DCAF5: variants seen among roughly 807,000 people sequenced by gnomAD.
DCAF5 encodes the protein DDB1 and CUL4 associated factor 5.
In DCAF5, 9 loss-of-function variants were observed where a neutral mutation model predicts 80.7. The ratio of observed to expected loss-of-function variants is 0.11; its 90% CI spans 0.07 to 0.19. The LOEUF (loss-of-function observed/expected upper bound fraction) is 0.19, where lower values mean the gene tolerates loss of function less well. Among genes scored for constraint, DCAF5 ranks in the 10% least tolerant of loss-of-function variants. The pLI is 1.00. For synonymous variants in DCAF5, 433 were observed against 461.9 expected, an observed-to-expected ratio of 0.94 and a Z score of 0.80; for missense variants, 842 against 1,205.7, an observed-to-expected ratio of 0.70 and a Z score of 4.47.
rs2037901082 is a variant in DCAF5 at position 69,054,973 on chromosome 14, C to G, written c.1713G>C (p.Glu571Asp). 2 of 1,614,152 alleles carry G rather than the reference C, an allele frequency of 1.2e-6. No individual in the cohort carries two copies. The highest frequency in any genetic ancestry group is 1.7e-6 in the Non-Finnish European group (2 of 1,180,062). Residue 571 changes from glutamate (E) to aspartate (D), a missense_variant, in exon 9 of 9, where the codon GAG becomes GAC. Around this residue, in one of 5 missense-constraint regions of DCAF5, gnomAD observed 607 missense variants for 656.6 expected, o/e 0.92. Transcript: ENST00000341516. ...SSSSSSSSEDEEELNERRAST... is the reference protein window; with the variant it reads ...SSSSSSSSEDDEELNERRAST... ...AGGCTCGGCGTTCATTCAGCTCCTC[C>G]TCATCCTCAGAGCTGCTAGAGCTGC...
chr14:69,141,981 C>T (rs891811603), intron 1 of DCAF5, among the ~76,000 whole-genome samples: 5 of 151,992 alleles, frequency 3.3e-5, no homozygotes, highest in African/African-American at 7.3e-5. Context: ...CTCTGTATCC[C>T]GAGAGGTATA....
chr14:69,136,623 G>A (rs1220465234), intron 1 of DCAF5, among the ~76,000 whole-genome samples: 2 of 151,944 alleles, frequency 1.3e-5, no homozygotes, highest in East Asian at 1.9e-4. Context: ...TTTGAGAACT[G>A]TTACTTTAGG....
chr14:69,143,553 CTTTTTTTTTT>C (rs562355110), intron 1 of DCAF5, among the ~76,000 whole-genome samples: 1 of 102,202 alleles, frequency 9.8e-6, no homozygotes, highest in Admixed American at 1.2e-4. Context: ...ATCTGTTAAA[CTTTTTTTTTT>C]TTTTTTTTTT....
At chr14:69,119,481 T>A (rs914216582) in intron 2 of DCAF5, among the ~76,000 whole-genome samples, 1 of 150,722 alleles carries the variant, frequency 6.6e-6, no homozygotes, top group Non-Finnish European at 1.5e-5. Context: ...TATTATCCAG[T>A]GGATGATGTA....
At position 69,133,000 on chromosome 14, in the gene DCAF5, T is replaced by C. The variant is rs116053741; in HGVS notation, c.215-10640A>G. ...TGTGTAAAAGACTTGGCCCAGTGCC[T>C]GATACATATTAAGAGCTAGATAAAT... On this transcript the variant is annotated intron_variant, in intron 1 of 8. Coordinates refer to ENST00000341516, the MANE Select transcript of DCAF5 (RefSeq NM_003861.3). 8.0e-3 allele frequency among the ~76,000 whole-genome samples: 1,220 copies of C among 152,342 alleles called. 12 individuals are homozygous for C. The highest frequency in any genetic ancestry group is 0.027 in the African/African-American group (1,128 of 41,578).
intron 6 of DCAF5, among the ~76,000 whole-genome samples, chr14:69,081,624 T>C (rs528247569): frequency 1.3e-5 from 2 of 152,230 alleles, no homozygotes; most frequent in East Asian, 3.9e-4. Context: ...TCTCTCTCAA[T>C]AGATTTCAGG....
chr14:69,083,581 G>C, intron 6 of DCAF5: 1 of 471,584 alleles, frequency 2.1e-6, no homozygotes. Context: ...TTCTATGAAT[G>C]TGGGCTTATC....
intron 6 of DCAF5, chr14:69,083,771 C>T: frequency 1.5e-6 from 1 of 681,170 alleles, no homozygotes; most frequent in Non-Finnish European, 2.7e-6. Flanking sequence ...AAAGCAAAAA[C>T]TGAAAACAAA....
At position 69,053,587 on chromosome 14, in the gene DCAF5, C is replaced by T. The variant is rs1171456038; in HGVS notation, c.*270G>A. 10 of 407,792 alleles carry T rather than the reference C, an allele frequency of 2.5e-5. 1 individual carries two copies. The highest frequency in any genetic ancestry group is 4.2e-5 in the African/African-American group (2 of 47,670). 25.3% of individuals were successfully genotyped at this position (407,792 alleles called of 1,614,324 possible). ...AAAGATTTACTTCCACAGAGCCTTG[C>T]GCGGCACACTACGCTCACGTCTCAC... On this transcript the variant is annotated 3_prime_UTR_variant, in exon 9 of 9. Coordinates refer to ENST00000341516, the MANE Select transcript of DCAF5 (RefSeq NM_003861.3).
chr14:69,139,808 G>A (rs1291351173), intron 1 of DCAF5, among the ~76,000 whole-genome samples: 4 of 143,462 alleles, frequency 2.8e-5, no homozygotes, highest in Admixed American at 7.1e-5. Flanking sequence ...CACTGACAGA[G>A]TGAATAAGAC....
At position 69,126,241 on chromosome 14, in the gene DCAF5, T is replaced by A. The variant is rs546511368; in HGVS notation, c.215-3881A>T. ...GGCGCAATCTCAGCTCACTGCAACC[T>A]CTGCCTCCCGGGTTCAAGCAATTCT... is the stretch of plus-strand genomic sequence containing the variant. On this transcript the variant is annotated intron_variant, in intron 1 of 8. Transcript: ENST00000341516. Among the ~76,000 whole-genome samples the A allele has an allele frequency of 2.0e-5, 3 of 149,806 alleles. No homozygotes were observed. In the South Asian group the frequency reaches 6.4e-4, roughly 32 times the overall value.
At chr14:69,111,808 G>A (rs924737176) in intron 5 of DCAF5, among the ~76,000 whole-genome samples, 1 of 152,282 alleles carries the variant, frequency 6.6e-6, no homozygotes, top group Admixed American at 6.5e-5. Flanking sequence ...ATGTACACTT[G>A]TAAGTGTGAA....
intron 6 of DCAF5, among the ~76,000 whole-genome samples, chr14:69,080,762 T>C (rs1230735271): frequency 6.6e-6 from 1 of 150,726 alleles, no homozygotes; most frequent in Non-Finnish European, 1.5e-5. Flanking sequence ...TCATATTTTT[T>C]ATTTCCTTTT....
At chr14:69,112,840 T>C (rs76378143) in intron 5 of DCAF5, among the ~76,000 whole-genome samples, 230 of 152,256 alleles carry the variant, frequency 1.5e-3, no homozygotes, top group Middle Eastern at 3.4e-3. Flanking sequence ...CAAGATCACA[T>C]GCCTATTAAG....
At chr14:69,141,848 G>T (rs1446557949) in intron 1 of DCAF5, among the ~76,000 whole-genome samples, 3 of 152,166 alleles carry the variant, frequency 2.0e-5, no homozygotes, top group African/African-American at 4.8e-5. Context: ...AATTTCCTCA[G>T]ATGCCATTTT....
chr14:69,100,530 C>G lies in DCAF5; in HGVS notation c.666-8643G>C, dbSNP rs565823169. 1.9e-4 allele frequency among the ~76,000 whole-genome samples: 29 copies of G among 152,288 alleles called. 1 individual carries two copies. In the South Asian group the frequency reaches 6.0e-3, roughly 32 times the overall value. On this transcript the variant is annotated intron_variant, in intron 5 of 8. Coordinates refer to ENST00000341516, the MANE Select transcript of DCAF5 (RefSeq NM_003861.3). ...CCTTCTCAATGAGGGCAAATAATAT[C>G]CCTCCTTTGGTAGATTTCTAGATAC...
intron 5 of DCAF5, among the ~76,000 whole-genome samples, chr14:69,093,258 T>G (rs1016496758): frequency 1.3e-5 from 2 of 152,208 alleles, no homozygotes; most frequent in Non-Finnish European, 2.9e-5. Context: ...TTGGGGACAC[T>G]GTAGACACAA....
rs1291640638 is a variant in DCAF5 at position 69,053,357 on chromosome 14, A to C, written c.*500T>G. ...TTCCATTCTCCATTCTTCCAGCATA[A>C]ATCTACAACTCACTGGCAGCACAAC... On this transcript the variant is annotated 3_prime_UTR_variant, in exon 9 of 9. Coordinates refer to ENST00000341516, the MANE Select transcript of DCAF5 (RefSeq NM_003861.3). 6.5e-6 allele frequency: 1 copy of C among 152,946 alleles called. No homozygotes were observed. The highest frequency in any genetic ancestry group is 1.5e-5 in the Non-Finnish European group (1 of 68,592). 9.5% of individuals were successfully genotyped at this position (152,946 alleles called of 1,614,324 possible).
intron 1 of DCAF5, among the ~76,000 whole-genome samples, chr14:69,150,240 G>C (rs1259321435): frequency 6.6e-6 from 1 of 151,926 alleles, no homozygotes; most frequent in Non-Finnish European, 1.5e-5. Context: ...GCTAGAGGGA[G>C]TATGGGGGGA....
Sources: allele counts gnomAD v4.1 joint callset (sites outside exome capture counted in the v4.1 genomes callset), GRCh38; gene constraint gnomAD v4.1.1; regional missense constraint gnomAD v4.1.1; transcripts MANE v1.5; gene names NCBI Gene and HGNC (gene_info 2026-07-23, HGNC 2026-07-21).